Variants in HIVEP3 observed in about 807,000 individuals in gnomAD.
HIVEP3 encodes the protein transcription factor HIVEP3.
In HIVEP3, 49 loss-of-function variants were observed where a neutral mutation model predicts 152.8. The observed-to-expected ratio is 0.32, with a 90% CI of 0.26 to 0.41. The LOEUF is 0.41. Ranked by LOEUF, HIVEP3 falls within the 10% of genes least tolerant of loss-of-function variation. HIVEP3 has a pLI of 1.00. For synonymous variants in HIVEP3, 1,269 were observed against 1,289.0 expected, an observed-to-expected ratio of 0.98 and a Z score of 0.33; for missense variants, 2,790 against 3,103.3, an observed-to-expected ratio of 0.90 and a Z score of 2.40.
chr1:41,904,533 C>T (rs1570778482), intron 1 of HIVEP3, among the ~76,000 whole-genome samples: 1 of 152,138 alleles, frequency 6.6e-6, no homozygotes, highest in East Asian at 1.9e-4. Flanking sequence ...AGGTGCTTAC[C>T]GCCATGCTTT....
At chr1:41,808,514 T>A (rs1030345789) in intron 1 of HIVEP3, among the ~76,000 whole-genome samples, 1 of 152,212 alleles carries the variant, frequency 6.6e-6, no homozygotes, top group Non-Finnish European at 1.5e-5. Flanking sequence ...TTTGTTGACT[T>A]AATCAGGCAG....
At chr1:41,910,001 A>G (rs535834620) in intron 1 of HIVEP3, among the ~76,000 whole-genome samples, 1 of 152,138 alleles carries the variant, frequency 6.6e-6, no homozygotes, top group African/African-American at 2.4e-5. Context: ...AAGCCTGAAA[A>G]TTAAAAAGCC....
At chr1:41,992,346 C>T (rs1645367298) in intron 1 of HIVEP3, among the ~76,000 whole-genome samples, 2 of 148,988 alleles carry the variant, frequency 1.3e-5, no homozygotes, top group South Asian at 4.3e-4. Flanking sequence ...CATTCTTATA[C>T]ACCAACAACA....
chr1:41,586,586 A>C (rs1644509831), intron 3 of HIVEP3, among the ~76,000 whole-genome samples: 1 of 151,494 alleles, frequency 6.6e-6, no homozygotes, highest in South Asian at 2.1e-4. Context: ...GGCTCCCCTC[A>C]TGCTCACACT....
intron 1 of HIVEP3, among the ~76,000 whole-genome samples, chr1:41,765,852 A>C (rs997757335): frequency 6.6e-6 from 1 of 152,088 alleles, no homozygotes; most frequent in African/African-American, 2.4e-5. Context: ...CCCTGCCCTC[A>C]GGCAGTAGGG....
intron 1 of HIVEP3, among the ~76,000 whole-genome samples, chr1:41,997,480 T>C (rs996783382): frequency 1.3e-5 from 2 of 152,212 alleles, no homozygotes; most frequent in Admixed American, 1.3e-4. Flanking sequence ...TTAAATAGTA[T>C]CACATACAAA....
intron 1 of HIVEP3, among the ~76,000 whole-genome samples, chr1:41,870,371 CA>C (rs1349161527): frequency 6.6e-6 from 1 of 152,148 alleles, no homozygotes; most frequent in Non-Finnish European, 1.5e-5. Flanking sequence ...TTCAACGTTG[CA>C]ATTAAATAAT....
At chr1:41,812,128 G>T (rs924330677) in intron 1 of HIVEP3, among the ~76,000 whole-genome samples, 1 of 152,188 alleles carries the variant, frequency 6.6e-6, no homozygotes, top group African/African-American at 2.4e-5. Flanking sequence ...TGCTCCCAGG[G>T]CTGAGGCTGT....
chr1:41,983,951 G>GA, intron 1 of HIVEP3, among the ~76,000 whole-genome samples: 1 of 151,858 alleles, frequency 6.6e-6, no homozygotes. Flanking sequence ...GAACAATGAA[G>GA]AAAAAAAATC....
At chr1:41,916,039 A>C (rs761972909) in intron 1 of HIVEP3, among the ~76,000 whole-genome samples, 3 of 152,226 alleles carry the variant, frequency 2.0e-5, no homozygotes, top group Non-Finnish European at 2.9e-5. Flanking sequence ...GACAAGTTAA[A>C]TGCTATCCAG....
chr1:41,589,955 C>T (rs1403429016), intron 3 of HIVEP3, among the ~76,000 whole-genome samples: 1 of 152,224 alleles, frequency 6.6e-6, no homozygotes, highest in Non-Finnish European at 1.5e-5. Flanking sequence ...CACAAGGCCA[C>T]AGGCTGAAGA....
chr1:41,790,035 T>C (rs1649597578), intron 1 of HIVEP3, among the ~76,000 whole-genome samples: 1 of 152,198 alleles, frequency 6.6e-6, no homozygotes. Flanking sequence ...GGTCAGGTGC[T>C]ACTTTCTGAC....
intron 3 of HIVEP3, among the ~76,000 whole-genome samples, chr1:41,600,239 T>A (rs1644725542): frequency 6.6e-6 from 1 of 152,166 alleles, no homozygotes; most frequent in Non-Finnish European, 1.5e-5. Flanking sequence ...AGAATTGAAA[T>A]CAGAGTCTCA....
chr1:41,794,177 T>C (rs571786721), intron 1 of HIVEP3, among the ~76,000 whole-genome samples: 22 of 152,090 alleles, frequency 1.4e-4, no homozygotes, highest in African/African-American at 5.3e-4. Context: ...GTGGAAGACG[T>C]AGGAAGAGCA....
intron 2 of HIVEP3, among the ~76,000 whole-genome samples, chr1:41,640,500 G>C (rs1253991952): frequency 6.6e-6 from 1 of 152,188 alleles, no homozygotes; most frequent in Non-Finnish European, 1.5e-5. Flanking sequence ...CCTTGGACAA[G>C]ACACTCTCCA....
chr1:41,800,396 G>T (rs1558280577), intron 1 of HIVEP3, among the ~76,000 whole-genome samples: 1 of 152,192 alleles, frequency 6.6e-6, no homozygotes, highest in Admixed American at 6.5e-5. Flanking sequence ...GAGGAGCTGG[G>T]TCTGGCCCAC....
At chr1:41,627,824 C>G (rs1645139259) in intron 3 of HIVEP3, among the ~76,000 whole-genome samples, 2 of 152,144 alleles carry the variant, frequency 1.3e-5, no homozygotes, top group South Asian at 4.1e-4. Context: ...GTCCCCAACC[C>G]CCAAGAGTCT....
intron 5 of HIVEP3, among the ~76,000 whole-genome samples, chr1:41,545,249 TACCACTACC>T (rs1464071087): frequency 2.2e-4 from 4 of 18,402 alleles, no homozygotes; most frequent in East Asian, 1.8e-3. Flanking sequence ...CCACCACCAA[TACCACTACC>T]ACCACTACCA....
intron 6 of HIVEP3, among the ~76,000 whole-genome samples, chr1:41,522,829 T>C (rs987206088): frequency 6.6e-6 from 1 of 152,214 alleles, no homozygotes; most frequent in Non-Finnish European, 1.5e-5. Flanking sequence ...CCTGAGGCGA[T>C]GGGCAGCCCA....
Sources: allele counts gnomAD v4.1 joint callset (sites outside exome capture counted in the v4.1 genomes callset), GRCh38; gene constraint gnomAD v4.1.1; transcripts MANE v1.5; gene names NCBI Gene and HGNC (gene_info 2026-07-23, HGNC 2026-07-21).